The following GABRB1 variants were observed in gnomAD, a reference collection of about 807,000 sequenced individuals.
The protein encoded by GABRB1 is gamma-aminobutyric acid type A receptor subunit beta1.
Under a neutral mutation model 51.6 loss-of-function variants are expected in GABRB1, and 17 were observed. That is an observed-to-expected ratio of 0.33 (90% CI 0.23 to 0.49). The LOEUF (loss-of-function observed/expected upper bound fraction) is 0.49. GABRB1 is among the 20% of genes least tolerant of loss of function. GABRB1 has a pLI of 0.99. For synonymous variants in GABRB1, 247 were observed against 218.9 expected (o/e 1.13, Z -1.14); for missense variants, 410 against 600.6 (o/e 0.68, Z 3.32).
intron 4 of GABRB1, among the ~76,000 whole-genome samples, chr4:47,298,866 G>T (rs1040076242): frequency 2.6e-5 from 4 of 151,912 alleles, no homozygotes; most frequent in Admixed American, 2.6e-4. Context: ...AACCAAAACA[G>T]CATGGTACTG....
chr4:47,237,753 T>A lies in GABRB1; in HGVS notation c.461+76284T>A, dbSNP rs185798879. On this transcript the variant is annotated intron_variant, in intron 4 of 8. Coordinates refer to ENST00000295454, the MANE Select transcript of GABRB1 (RefSeq NM_000812.4). The stretch of plus-strand genomic sequence containing the variant: ...ATAGGCACAGCCACACATAAATGAT[T>A]GATGAAGGACTTGCTTATTAATTTT... 1.9e-4 allele frequency among the ~76,000 whole-genome samples: 29 copies of A among 152,058 alleles called. No homozygotes were observed. The East Asian group carries it at 5.0e-3, about 26-fold the overall frequency.
At chr4:47,286,307 A>G (rs1340604815) in intron 4 of GABRB1, among the ~76,000 whole-genome samples, 3 of 152,214 alleles carry the variant, frequency 2.0e-5, no homozygotes, top group Non-Finnish European at 4.4e-5. Context: ...GCATTGTCTT[A>G]TTTGAATGAT....
intron 4 of GABRB1, among the ~76,000 whole-genome samples, chr4:47,194,480 T>C (rs1317428162): frequency 6.6e-6 from 1 of 152,168 alleles, no homozygotes; most frequent in Non-Finnish European, 1.5e-5. Context: ...TCTTTTCTCA[T>C]TCCAGAAAAA....
At chr4:47,281,219 T>C (rs575287353) in intron 4 of GABRB1, among the ~76,000 whole-genome samples, 6 of 151,952 alleles carry the variant, frequency 3.9e-5, no homozygotes, top group Non-Finnish European at 8.8e-5. Flanking sequence ...ATAATCTGAT[T>C]AAAAAATGAA....
At chr4:47,247,812 C>A (rs1252645487) in intron 4 of GABRB1, among the ~76,000 whole-genome samples, 1 of 151,958 alleles carries the variant, frequency 6.6e-6, no homozygotes, top group Non-Finnish European at 1.5e-5. Context: ...TGATTTGATT[C>A]TCTGCTTGGT....
chr4:47,183,139 G>A (rs567973718), intron 4 of GABRB1, among the ~76,000 whole-genome samples: 6 of 151,502 alleles, frequency 4.0e-5, no homozygotes, highest in Non-Finnish European at 7.4e-5. Flanking sequence ...AAAAACACAT[G>A]ATGAGATATT....
At chr4:47,189,501 G>A (rs1719337623) in intron 4 of GABRB1, among the ~76,000 whole-genome samples, 3 of 151,738 alleles carry the variant, frequency 2.0e-5, no homozygotes, top group Admixed American at 1.3e-4. Flanking sequence ...TATAAATGAA[G>A]AGACTCAATT....
Position 47,094,231 on chromosome 4 carries a change from T to TTC in GABRB1, c.240+61748_240+61749insCT, listed in dbSNP as rs753487611. On this transcript the variant is annotated intron_variant, in intron 3 of 8. Coordinates refer to ENST00000295454, the MANE Select transcript of GABRB1 (RefSeq NM_000812.4). ...AATTTTTTCTTTTTCTTTTTTCTCT[T>TTC]TTTTTTTTTTTTTTGACAGAGTCTT... is the stretch of plus-strand genomic sequence containing the variant. Among the ~76,000 whole-genome samples the TTC allele has an allele frequency of 3.3e-4, 19 of 57,324 alleles. No homozygotes were observed. The Admixed American group carries it at 3.7e-3, about 11-fold the overall frequency. The allele number at this position is 57,324 out of a possible 152,430, so 37.6% of individuals were successfully genotyped here. A position where few individuals can be genotyped will look rare whatever the true frequency, so the allele number is the denominator to read the frequency against.
At chr4:47,372,817 G>A (rs373734162) in intron 5 of GABRB1, among the ~76,000 whole-genome samples, 2 of 152,130 alleles carry the variant, frequency 1.3e-5, no homozygotes, top group East Asian at 1.9e-4. Flanking sequence ...GAGTTCTGGG[G>A]AGGTGTGGGG....
intron 4 of GABRB1, 113 bp downstream of exon 4, chr4:47,161,582 G>C (rs1717956822): frequency 1.3e-6 from 1 of 772,622 alleles, no homozygotes; most frequent in Non-Finnish European, 2.1e-6. Context: ...ATATATAAAT[G>C]GGGTGTCATA....
intron 3 of GABRB1, among the ~76,000 whole-genome samples, chr4:47,111,403 T>C (rs1021949728): frequency 1.1e-4 from 17 of 151,490 alleles, no homozygotes; most frequent in African/African-American, 3.6e-4. Flanking sequence ...TATCTATAAA[T>C]CCATATCTAT....
rs190811901 is a variant in GABRB1 at position 47,157,137 on chromosome 4, C to T, written c.241-4112C>T. On this transcript the variant is annotated intron_variant, in intron 3 of 8. Transcript: ENST00000295454. ...ATCCATTAATCACATTAACTTACCTCGGTGTCAAAGAATTCCCTATGGCCC... is the reference window on the plus strand; with the variant it reads ...ATCCATTAATCACATTAACTTACCTTGGTGTCAAAGAATTCCCTATGGCCC... Among the ~76,000 whole-genome samples, 237 of 152,136 alleles carry T rather than the reference C, an allele frequency of 1.6e-3. 1 individual carries two copies. The highest frequency in any genetic ancestry group is 4.5e-3 in the Admixed American group (69 of 15,260).
chr4:47,058,280 G>A (rs931243744), intron 3 of GABRB1, among the ~76,000 whole-genome samples: 1 of 152,132 alleles, frequency 6.6e-6, no homozygotes, highest in African/African-American at 2.4e-5. Flanking sequence ...AAAGAGGCAG[G>A]TTCATTGAAC....
At chr4:47,037,166 T>C (rs1054190973) in intron 3 of GABRB1, among the ~76,000 whole-genome samples, 5 of 152,210 alleles carry the variant, frequency 3.3e-5, no homozygotes, top group Non-Finnish European at 7.3e-5. Context: ...CACAGTACTA[T>C]CCTGTTGCTT....
chr4:47,388,874 GA>G (rs1215762781), intron 5 of GABRB1, among the ~76,000 whole-genome samples: 1 of 151,914 alleles, frequency 6.6e-6, no homozygotes, highest in Non-Finnish European at 1.5e-5. Context: ...GTTAAAAAAA[GA>G]AAAAAAGGAT....
intron 1 of GABRB1, chr4:46,994,453 A>G (rs3762609): frequency 0.2 from 29,920 of 145,974 alleles, 3,521 homozygotes; most frequent in Middle Eastern, 0.28. Flanking sequence ...GTGGGGGGGG[A>G]AAGAGAAAAT....
Position 47,161,251 on chromosome 4 carries a change from T to C in GABRB1, c.243T>C (p.Asp81=), listed in dbSNP as rs1717945649. 6.3e-7 allele frequency: 1 copy of C among 1,584,532 alleles called. No individual in the cohort carries two copies. Among genetic ancestry groups the C allele is most frequent in the African/African-American group, 1.4e-5 (1 of 74,042 alleles). ...SIDMVSEVNM[D]YTLTMYFQQS... ...TTTTTGCTTTCTTTATTTCACAGGA[T>C]TATACACTCACCATGTATTTCCAGC... Residue 81 remains aspartate, a splice_region_variant and synonymous_variant, in exon 4 of 9, where the codon GAT becomes GAC. Coordinates refer to ENST00000295454, the MANE Select transcript of GABRB1 (RefSeq NM_000812.4).
At chr4:47,336,921 G>T (rs1353235062) in intron 5 of GABRB1, among the ~76,000 whole-genome samples, 1 of 152,212 alleles carries the variant, frequency 6.6e-6, no homozygotes, top group Non-Finnish European at 1.5e-5. Context: ...TGCAGGAAAT[G>T]ATCATTGCAG....
At chr4:47,323,326 A>G (rs16860112) in intron 5 of GABRB1, among the ~76,000 whole-genome samples, 1,774 of 152,302 alleles carry the variant, frequency 0.012, 47 homozygotes, top group African/African-American at 0.041. Flanking sequence ...ACCAATGTAG[A>G]GTTCCTAAAT....
Sources: allele counts gnomAD v4.1 joint callset (sites outside exome capture counted in the v4.1 genomes callset), GRCh38; gene constraint gnomAD v4.1.1; transcripts MANE v1.5; gene names NCBI Gene and HGNC (gene_info 2026-07-23, HGNC 2026-07-21).